INTS3: variants seen among roughly 807,000 people sequenced by gnomAD.
INTS3 encodes the protein integrator complex subunit 3.
In INTS3, 34 loss-of-function variants were observed where a neutral mutation model predicts 146.3. The ratio of observed to expected loss-of-function variants is 0.23; its 90% CI spans 0.18 to 0.31. INTS3 has a LOEUF of 0.31. INTS3 is among the 10% of genes least tolerant of loss of function. The probability of loss-of-function intolerance (pLI) is 1.00; values close to 1 mark genes in which losing one functional copy is unlikely to be tolerated. For synonymous variants in INTS3, 475 were observed against 494.9 expected (o/e 0.96, Z 0.53); for missense variants, 757 against 1,304.2 (o/e 0.58, Z 6.46).
At chr1:153,767,424 A>G (rs964156460) in intron 20 of INTS3, 3 of 411,732 alleles carry the variant, frequency 7.3e-6, no homozygotes, top group Non-Finnish European at 8.7e-6. Flanking sequence ...CTCATCCGGC[A>G]GTAGCTTCAC....
chr1:153,761,802 T>G lies in INTS3; in HGVS notation c.1516+126T>G, dbSNP rs1314438222. ...CTTCCGTGACACTGTCCATCACAGT[T>G]TTTCCTTCCTCAGTTTATCTTTTTT... On this transcript the variant is annotated intron_variant, in intron 14 of 29. Transcript: ENST00000318967. 8 of 580,700 alleles carry G rather than the reference T, an allele frequency of 1.4e-5. No homozygotes were observed. The East Asian group carries it at 2.0e-4, about 15-fold the overall frequency. 36.0% of individuals were successfully genotyped at this position (580,700 alleles called of 1,614,324 possible).
chr1:153,738,140 C>T (rs148686313), intron 1 of INTS3, among the ~76,000 whole-genome samples: 133 of 152,208 alleles, frequency 8.7e-4, no homozygotes, highest in African/African-American at 2.9e-3. Context: ...GTTCTGTTGC[C>T]CAGGCTGGAG....
At chr1:153,760,941 G>T (rs757923619) in intron 13 of INTS3, 23 bp downstream of exon 13, 1 of 1,605,652 alleles carries the variant, frequency 6.2e-7, no homozygotes, top group South Asian at 1.1e-5. Context: ...GTGGGGGAAG[G>T]AGGTTGTTTT....
In INTS3 at chr1:153,728,116, C is replaced by T. The variant is rs1047307798; in HGVS notation, c.-519C>T. The stretch of plus-strand genomic sequence containing the variant: ...TGGTGTGGGGAGACGCTGGTCCTCC[C>T]CGTCCTCCCATAGCGCTTATTGCCT... On this transcript the variant is annotated 5_prime_UTR_variant, in exon 1 of 30. Coordinates refer to ENST00000318967, the MANE Select transcript of INTS3 (RefSeq NM_023015.5). 1.8e-4 allele frequency: 71 copies of T among 388,364 alleles called. 1 individual carries two copies. The highest frequency in any genetic ancestry group is 6.5e-4 in the Middle Eastern group (1 of 1,532). 24.1% of individuals were successfully genotyped at this position (388,364 alleles called of 1,614,324 possible). A position where few individuals can be genotyped will look rare whatever the true frequency, so the allele number is the denominator to read the frequency against.
intron 6 of INTS3, 34 bp from the exon 7 acceptor site, chr1:153,751,061 A>G (rs1671940094): frequency 2.5e-6 from 4 of 1,611,214 alleles, no homozygotes; most frequent in Non-Finnish European, 3.4e-6. Context: ...AGTTCTAGAC[A>G]GAGCATAGGA....
chr1:153,760,743 C>A, intron 12 of INTS3, 84 bp from the exon 13 acceptor site: 2 of 1,156,892 alleles, frequency 1.7e-6, no homozygotes, highest in Non-Finnish European at 2.6e-6. Flanking sequence ...CTGATCAAAA[C>A]CAAAGCAGCT....
At chr1:153,750,954 A>C (rs1570855808) in intron 6 of INTS3, 141 bp from the exon 7 acceptor site, 2 of 782,988 alleles carry the variant, frequency 2.6e-6, no homozygotes, top group Non-Finnish European at 4.0e-6. Context: ...ATGAGTGAGC[A>C]AGCAAAAAAT....
rs1670950471 is a variant in INTS3 at position 153,728,697 on chromosome 1, TGGAGGAGGAGGAGCGGGAGCA to T, written c.68_88del (p.Gly23_Gly29del). ...CAGCTGCTTCGGGAGCAGCGGGAGG[TGGAGGAGGAGGAGCGGGAGCA>T]GGAGCCCCAGGAGGGGGGAGGCTGC... On this transcript the variant is annotated inframe_deletion, in exon 1 of 30. Transcript: ENST00000318967. The T allele has an allele frequency of 6.3e-7, 1 of 1,597,752 alleles. No individual in the cohort carries two copies. Among genetic ancestry groups the T allele is most frequent in the Non-Finnish European group, 8.5e-7 (1 of 1,172,386 alleles).
chr1:153,769,018 G>C (rs1672708197), intron 22 of INTS3, 57 bp downstream of exon 22: 1 of 1,375,708 alleles, frequency 7.3e-7, no homozygotes, highest in African/African-American at 1.4e-5. Context: ...TAGGGACATA[G>C]GGCCTCTGCT....
chr1:153,747,649 A>G (rs1415152709), intron 5 of INTS3: 5 of 464,406 alleles, frequency 1.1e-5, no homozygotes, highest in African/African-American at 3.9e-5. Flanking sequence ...CTGAGATTTT[A>G]TAGCATTTCA....
At chr1:153,767,109 C>T (rs1297693279) in intron 20 of INTS3, 1 of 152,194 alleles carries the variant, frequency 6.6e-6, no homozygotes, top group Non-Finnish European at 1.5e-5. Context: ...AATATTTTTT[C>T]TTCCATTCTG....
At chr1:153,746,708 A>T in intron 3 of INTS3, 1 of 432,638 alleles carries the variant, frequency 2.3e-6, no homozygotes, top group East Asian at 3.8e-5. Context: ...GCTGCCCAGC[A>T]GGCTTTTCTG....
In INTS3 at chr1:153,772,927, T is replaced by A; in HGVS notation, c.2897T>A (p.Phe966Tyr). The change falls in exon 29 of 30, where the codon TTC becomes TAC. Residue 966 changes from phenylalanine (F) to tyrosine (Y), a missense_variant and splice_region_variant. By Grantham distance (22) the Phe-to-Tyr change is conservative. This residue lies in a region of INTS3 where 125 missense variants were observed against 165.6 expected (regional missense o/e 0.75). Coordinates refer to ENST00000318967, the MANE Select transcript of INTS3 (RefSeq NM_023015.5). This position sits in a 1 kb window ranked among gnomAD's most constrained non-coding sequence, Gnocchi z 4.6. ...GAGCTACCGCTCCTTTTCCTTAGATTCAGTGATCTCTTCTCCCTGGCGGAG... is the reference window on the plus strand; with the variant it reads ...GAGCTACCGCTCCTTTTCCTTAGATACAGTGATCTCTTCTCCCTGGCGGAG... ...ASCDEAHKMKFSDLFSLAEEY... is the reference protein window; with the variant it reads ...ASCDEAHKMKYSDLFSLAEEY... 1 of 1,614,040 alleles carries A rather than the reference T, an allele frequency of 6.2e-7. No homozygotes were observed. Among genetic ancestry groups the A allele is most frequent in the Non-Finnish European group, 8.5e-7 (1 of 1,180,012 alleles).
At position 153,752,422 on chromosome 1, in the gene INTS3, T is replaced by C; in HGVS notation, c.859+14T>C. On this transcript the variant is annotated intron_variant, in intron 8 of 29. Coordinates refer to ENST00000318967, the MANE Select transcript of INTS3 (RefSeq NM_023015.5). ...CTCAGTTCACAGGTAAGTAGGGTCT[T>C]AGGCATCCTGTCCTTGAGAGCTGGG... 6.2e-7 allele frequency: 1 copy of C among 1,600,444 alleles called. No individual in the cohort carries two copies. The highest frequency in any genetic ancestry group is 8.5e-7 in the Non-Finnish European group (1 of 1,175,082).
intron 8 of INTS3, 110 bp from the exon 9 acceptor site, chr1:153,754,532 C>T (rs968524776): frequency 3.0e-5 from 24 of 791,806 alleles, no homozygotes; most frequent in African/African-American, 1.0e-4. Flanking sequence ...GGAATTTCTC[C>T]GTGAGCAAGA....
At chr1:153,729,538 C>T (rs1251284878) in intron 1 of INTS3, among the ~76,000 whole-genome samples, 1 of 152,194 alleles carries the variant, frequency 6.6e-6, no homozygotes, top group South Asian at 2.1e-4. Flanking sequence ...TCACGTATAC[C>T]TTTCCACTCC....
At chr1:153,751,371 T>C (rs1671951949) in intron 7 of INTS3, 132 bp downstream of exon 7, 1 of 867,202 alleles carries the variant, frequency 1.2e-6, no homozygotes, top group African/African-American at 1.7e-5. Context: ...TTTCCATCAT[T>C]CATCAACAGA....
At chr1:153,742,934 C>A (rs184823002) in intron 3 of INTS3, among the ~76,000 whole-genome samples, 39 of 152,320 alleles carry the variant, frequency 2.6e-4, no homozygotes, top group Admixed American at 1.4e-3. Flanking sequence ...CCAAGTAAAT[C>A]CCCTACCTGT....
rs781193661 is a variant in INTS3 at position 153,748,705 on chromosome 1, CA to C, written c.539del (p.Asn180IlefsTer12). On this transcript the variant is annotated frameshift_variant, in exon 6 of 30. Transcript: ENST00000318967. LOFTEE classifies it high-confidence loss of function. ...TGAAATCAGGTGGAGATGTTACAGC[CA>C]AAAATATCTGGTTGGCAGAAAGTGT... Reference protein sequence around the residue: ...KQIAGGDVTAKNIWLAESVLD... With the variant: ...KQIAGGDVTAXNIWLAESVLD... The C allele has an allele frequency of 6.2e-7, 1 of 1,614,000 alleles. No individual in the cohort carries two copies. Among genetic ancestry groups the C allele is most frequent in the Non-Finnish European group, 8.5e-7 (1 of 1,179,934 alleles).
Sources: gnomAD v4.1 joint callset for allele counts (sites outside exome capture counted in the v4.1 genomes callset) on GRCh38, gnomAD v4.1.1 for gene constraint, gnomAD v4.1.1 regional missense constraint, Gnocchi (gnomAD v3.1) non-coding constraint, MANE v1.5 for transcripts, NCBI Gene and HGNC (gene_info 2026-07-23, HGNC 2026-07-21) for gene names.